ACVR1C: variants seen among roughly 807,000 people sequenced by gnomAD.
ACVR1C encodes activin receptor type-1C.
A neutral mutation model predicts 57.9 loss-of-function variants in ACVR1C; 23 were observed. The observed-to-expected ratio is 0.40, with a 90% CI of 0.29 to 0.56. The LOEUF (loss-of-function observed/expected upper bound fraction) is 0.56, where lower values mean the gene tolerates loss of function less well. Among genes scored for constraint, ACVR1C ranks in the 20% least tolerant of loss-of-function variants. The pLI is 0.50. For missense variants in ACVR1C, 480 were observed against 607.9 expected, an observed-to-expected ratio of 0.79 and a Z score of 2.21; for synonymous variants, 214 against 215.3, an observed-to-expected ratio of 0.99 and a Z score of 0.05.
intron 1 of ACVR1C, among the ~76,000 whole-genome samples, chr2:157,610,011 AGTT>A (rs1682495911): frequency 6.6e-6 from 1 of 151,954 alleles, no homozygotes; most frequent in African/African-American, 2.4e-5. Flanking sequence ...ATTGTTTTCT[AGTT>A]GTTTTATAAA....
At chr2:157,590,699 C>G (rs979389756) in intron 1 of ACVR1C, among the ~76,000 whole-genome samples, 1 of 151,824 alleles carries the variant, frequency 6.6e-6, no homozygotes. Context: ...GATTGGGATT[C>G]TATAGAGCCA....
chr2:157,541,328 A>G (rs1167878815), intron 6 of ACVR1C, 114 bp from the exon 7 acceptor site: 9 of 1,023,534 alleles, frequency 8.8e-6, no homozygotes, highest in East Asian at 2.7e-5. Flanking sequence ...TTGAAGCACT[A>G]TAATAGAATA....
chr2:157,604,989 G>A (rs1682360752), intron 1 of ACVR1C, among the ~76,000 whole-genome samples: 1 of 151,656 alleles, frequency 6.6e-6, no homozygotes, highest in Admixed American at 6.6e-5. Context: ...AGATCAAAAT[G>A]TTTTCTTCTC....
chr2:157,573,518 A>G (rs916472351), intron 2 of ACVR1C, among the ~76,000 whole-genome samples: 1 of 152,166 alleles, frequency 6.6e-6, no homozygotes, highest in Non-Finnish European at 1.5e-5. Flanking sequence ...CAAAATGGGA[A>G]CAAAGATACC....
intron 1 of ACVR1C, among the ~76,000 whole-genome samples, chr2:157,611,423 G>C (rs1682530084): frequency 1.3e-5 from 2 of 152,180 alleles, no homozygotes; most frequent in Admixed American, 6.5e-5. Context: ...GCAGCAGTGG[G>C]CTGAGCATGC....
chr2:157,628,609 A>T lies in ACVR1C; in HGVS notation c.36T>A (p.Ala12=), dbSNP rs748247981. The change falls in exon 1 of 9, where the codon GCT becomes GCA. Residue 12 remains alanine, a synonymous_variant. Coordinates refer to ENST00000243349, the MANE Select transcript of ACVR1C (RefSeq NM_145259.3). ...CGGCGGCCGCTGCGAGCAGCAGGAG[A>T]GCCTGGCGGAGCGCTGAGCAGAGCG... The part of the protein sequence containing the change: ...TRALCSALRQ[A]LLLLAAAAEL... 4 of 1,603,542 alleles carry T rather than the reference A, an allele frequency of 2.5e-6. No homozygotes were observed. In the South Asian group the frequency reaches 4.5e-5, roughly 18 times the overall value.
At chr2:157,586,567 T>A (rs1300941686) in intron 2 of ACVR1C, among the ~76,000 whole-genome samples, 1 of 152,138 alleles carries the variant, frequency 6.6e-6, no homozygotes, top group African/African-American at 2.4e-5. Flanking sequence ...AGGTTCCTGA[T>A]AAAGGGCCAG....
rs548643999 is a variant in ACVR1C, at chr2:157,527,050, A to G, written c.*6868T>C. The G allele has an allele frequency of 6.6e-6, 1 of 152,284 alleles. No homozygotes were observed. The highest frequency in any genetic ancestry group is 1.9e-4 in the East Asian group (1 of 5,186). 9.4% of individuals were successfully genotyped at this position (152,284 alleles called of 1,614,324 possible). A position where few individuals can be genotyped will look rare whatever the true frequency, so the allele number is the denominator to read the frequency against. ...TATCACTGAGTTTTTAATAAATTCT[A>G]AAACACTATTATTTCTAAATAAAAT... On this transcript the variant is annotated 3_prime_UTR_variant, in exon 9 of 9. Transcript: ENST00000243349.
intron 4 of ACVR1C, among the ~76,000 whole-genome samples, chr2:157,548,398 T>A (rs1687821905): frequency 1.4e-5 from 2 of 145,162 alleles, no homozygotes; most frequent in Non-Finnish European, 3.0e-5. Flanking sequence ...AAGCTACCAA[T>A]GACTTTCTTC....
At chr2:157,555,101 C>CTTTTTTTTTTTTTTTTTTTTTT (rs60269781) in intron 3 of ACVR1C, among the ~76,000 whole-genome samples, 2 of 83,946 alleles carry the variant, frequency 2.4e-5, no homozygotes, top group African/African-American at 1.2e-4. Flanking sequence ...ACTTTGAACG[C>CTTTTTTTTTTTTTTTTTTTTTT]TTTTTTTTTT....
At chr2:157,566,878 C>G (rs1410907708) in intron 2 of ACVR1C, among the ~76,000 whole-genome samples, 1 of 151,836 alleles carries the variant, frequency 6.6e-6, no homozygotes, top group Non-Finnish European at 1.5e-5. Context: ...CTCAAGGAGG[C>G]CTGCCTGCCT....
rs181444899 is a variant in ACVR1C at position 157,551,358 on chromosome 2, T to C, written c.545-966A>G. Among the ~76,000 whole-genome samples the C allele has an allele frequency of 1.1e-3, 166 of 152,344 alleles. 3 individuals carry two copies. Among genetic ancestry groups the C allele is most frequent in the Non-Finnish European group, 2.0e-3 (135 of 68,034 alleles). On this transcript the variant is annotated intron_variant, in intron 3 of 8. Transcript: ENST00000243349. The stretch of plus-strand genomic sequence containing the variant: ...ATCTGGCATATTACATGTTCAATAA[T>C]GGTTAACATTATGTTAATCTTAGGA...
chr2:157,618,943 A>C (rs1682708118), intron 1 of ACVR1C, among the ~76,000 whole-genome samples: 1 of 151,910 alleles, frequency 6.6e-6, no homozygotes, highest in South Asian at 2.1e-4. Context: ...ATAAATCCAC[A>C]AGTAAATTAG....
In ACVR1C at chr2:157,529,737, G is replaced by A. The variant is rs1286764971; in HGVS notation, c.*4181C>T. ...AAAATTAGGAACTAATGATAATGTTGAAAGATAGTGAGGGAATATTAAGAA... is the reference window on the plus strand; with the variant it reads ...AAAATTAGGAACTAATGATAATGTTAAAAGATAGTGAGGGAATATTAAGAA... On this transcript the variant is annotated 3_prime_UTR_variant, in exon 9 of 9. Coordinates refer to ENST00000243349, the MANE Select transcript of ACVR1C (RefSeq NM_145259.3). The A allele has an allele frequency of 1.3e-5, 2 of 151,654 alleles. No homozygotes were observed. The highest frequency in any genetic ancestry group is 4.8e-5 in the African/African-American group (2 of 41,288). 9.4% of individuals were successfully genotyped at this position (151,654 alleles called of 1,614,324 possible). A position where few individuals can be genotyped will look rare whatever the true frequency, so the allele number is the denominator to read the frequency against.
intron 1 of ACVR1C, among the ~76,000 whole-genome samples, chr2:157,610,090 A>G (rs1405673183): frequency 6.6e-6 from 1 of 151,914 alleles, no homozygotes; most frequent in Non-Finnish European, 1.5e-5. Context: ...TAGTGGTCCT[A>G]TTTGAGTTAT....
At chr2:157,552,252 C>T (rs1450449236) in intron 3 of ACVR1C, among the ~76,000 whole-genome samples, 1 of 152,158 alleles carries the variant, frequency 6.6e-6, no homozygotes, top group Non-Finnish European at 1.5e-5. Context: ...CCCACATCAG[C>T]CTCTTGAGTA....
chr2:157,563,260 C>T (rs566178418), intron 2 of ACVR1C, among the ~76,000 whole-genome samples: 9 of 152,228 alleles, frequency 5.9e-5, no homozygotes, highest in Admixed American at 6.5e-5. Context: ...AATAAACAAC[C>T]TCAGCAAAGT....
intron 1 of ACVR1C, among the ~76,000 whole-genome samples, chr2:157,591,411 C>T (rs1053977879): frequency 6.6e-6 from 1 of 151,946 alleles, no homozygotes; most frequent in Admixed American, 6.6e-5. Flanking sequence ...AGAAAATGAA[C>T]AGCATAGGGA....
chr2:157,544,577 C>G lies in ACVR1C; in HGVS notation c.811G>C (p.Glu271Gln). Residue 271 changes from glutamate (E) to glutamine (Q), a missense_variant, in exon 5 of 9, where the codon GAA becomes CAA. Physicochemically the swap from Glu to Gln is conservative, Grantham distance 29. Coordinates refer to ENST00000243349, the MANE Select transcript of ACVR1C (RefSeq NM_145259.3). ...GTWTQLWLVS[E>Q]YHEQGSLYDY... ...TATAAGGAGCCCTGTTCATGATATTCAGATACCAGCCAAAGTTGAGTCCAA... is the reference window on the plus strand; with the variant it reads ...TATAAGGAGCCCTGTTCATGATATTGAGATACCAGCCAAAGTTGAGTCCAA... The G allele has an allele frequency of 6.2e-7, 1 of 1,613,026 alleles. No individual in the cohort carries two copies. The highest frequency in any genetic ancestry group is 8.5e-7 in the Non-Finnish European group (1 of 1,179,434).
Sources: allele counts gnomAD v4.1 joint callset (sites outside exome capture counted in the v4.1 genomes callset), GRCh38; gene constraint gnomAD v4.1.1; transcripts MANE v1.5; gene names NCBI Gene and HGNC (gene_info 2026-07-23, HGNC 2026-07-21).